FAM114A1: variants seen among roughly 807,000 people sequenced by gnomAD.
FAM114A1 encodes family with sequence similarity 114 member A1, also known as protein NOXP20.
A neutral mutation model predicts 64.3 loss-of-function variants in FAM114A1; 62 were observed. The observed-to-expected ratio is 0.96, with a 90% confidence interval of 0.79 to 1.19. The LOEUF is 1.19. Among genes scored for constraint, FAM114A1 ranks in the 50% most tolerant of loss-of-function variants. The pLI, the probability that FAM114A1 is intolerant of heterozygous loss-of-function variation, is 0.00. For missense variants in FAM114A1, 645 were observed against 676.3 expected, an observed-to-expected ratio of 0.95 and a Z score of 0.51; for synonymous variants, 254 against 251.1, an observed-to-expected ratio of 1.01 and a Z score of -0.11.
In FAM114A1 at chr4:38,929,285, G is replaced by A. The variant is rs1184629398; in HGVS notation, c.1113G>A (p.Glu371=). The part of the protein sequence containing the change: ...KGEEFARMLT[E]LLFELHVAAT... ...AAGAATTTGCTCGCATGCTTACAGA[G>A]CTTCTCTTTGAATTACATGTGGCGG... is the stretch of plus-strand genomic sequence containing the variant. The change falls in exon 10 of 15, where the codon GAG becomes GAA. Residue 371 remains glutamate, a synonymous_variant. Transcript: ENST00000358869. 10 of 1,614,028 alleles carry A rather than the reference G, an allele frequency of 6.2e-6. No homozygotes were observed. The highest frequency in any genetic ancestry group is 1.1e-5 in the South Asian group (1 of 91,080).
In FAM114A1 at chr4:38,932,276, A is replaced by T. The variant is rs1720710800; in HGVS notation, c.1365A>T (p.Thr455=). ...CCATTGAAAGTCTGGCGGAGGTAAC[A>T]GCGCGCTGTATTGAGCAGCTTCATA... ...MSSIESLAEV[T]ARCIEQLHKV... The change falls in exon 12 of 15, where the codon ACA becomes ACT. Residue 455 remains threonine, a synonymous_variant. Transcript: ENST00000358869. 6.2e-7 allele frequency: 1 copy of T among 1,611,242 alleles called. No individual in the cohort carries two copies. Among genetic ancestry groups the T allele is most frequent in the Admixed American group, 1.7e-5 (1 of 59,060 alleles).
intron 4 of FAM114A1, among the ~76,000 whole-genome samples, chr4:38,903,686 T>C (rs946991507): frequency 1.3e-5 from 2 of 152,218 alleles, no homozygotes; most frequent in African/African-American, 4.8e-5. Flanking sequence ...TTGAAATTCA[T>C]TGGACGCTAG....
chr4:38,932,486 TTTTG>T, intron 12 of FAM114A1, 112 bp downstream of exon 12: 1 of 1,132,386 alleles, frequency 8.8e-7, no homozygotes, highest in Non-Finnish European at 1.2e-6. Flanking sequence ...TCAGGTTTCT[TTTTG>T]TTTGTTTTTG....
In FAM114A1 at chr4:38,943,612, G is replaced by A. The variant is rs2109824994; in HGVS notation, c.*55G>A. 1 of 1,490,574 alleles carries A rather than the reference G, an allele frequency of 6.7e-7. No individual in the cohort carries two copies. Among genetic ancestry groups the A allele is most frequent in the South Asian group, 1.1e-5 (1 of 88,028 alleles). 92.3% of individuals were successfully genotyped at this position (1,490,574 alleles called of 1,614,324 possible). A position where few individuals can be genotyped will look rare whatever the true frequency, so the allele number is the denominator to read the frequency against. On this transcript the variant is annotated 3_prime_UTR_variant, in exon 15 of 15. Coordinates refer to ENST00000358869, the MANE Select transcript of FAM114A1 (RefSeq NM_138389.4). Reference sequence around the variant, plus strand: ...ACAGCTGGCCGCCTTGCCTCAATATGTACCATTTAAGGGGATGTTCTCTGT... The same window carrying A: ...ACAGCTGGCCGCCTTGCCTCAATATATACCATTTAAGGGGATGTTCTCTGT...
At chr4:38,887,400 A>G (rs1715927143) in intron 3 of FAM114A1, among the ~76,000 whole-genome samples, 1 of 152,216 alleles carries the variant, frequency 6.6e-6, no homozygotes, top group East Asian at 1.9e-4. Context: ...TTTAAACTGC[A>G]TTTATAATAT....
chr4:38,923,092 T>C (rs1719765783), intron 9 of FAM114A1, among the ~76,000 whole-genome samples, 199 bp downstream of exon 9: 1 of 152,202 alleles, frequency 6.6e-6, no homozygotes, highest in South Asian at 2.1e-4. Flanking sequence ...CGGGAACTCC[T>C]ATTGGTCCTC....
chr4:38,891,657 C>T, intron 3 of FAM114A1, 86 bp from the exon 4 acceptor site: 1 of 1,177,198 alleles, frequency 8.5e-7, no homozygotes, highest in South Asian at 1.6e-5. Flanking sequence ...CTTTTCCAAA[C>T]CTCCTCTTTG....
At chr4:38,887,306 A>G (rs1185442672) in intron 3 of FAM114A1, among the ~76,000 whole-genome samples, 1 of 152,270 alleles carries the variant, frequency 6.6e-6, no homozygotes. Context: ...TTAGAAGTCC[A>G]GCAAAATCAA....
chr4:38,905,172 C>T (rs186436097), intron 4 of FAM114A1, among the ~76,000 whole-genome samples: 4 of 152,060 alleles, frequency 2.6e-5, no homozygotes, highest in Admixed American at 1.3e-4. Context: ...AGAGGTGAGC[C>T]AATCACCTGA....
chr4:38,874,225 T>C (rs952997445), intron 2 of FAM114A1, among the ~76,000 whole-genome samples: 7 of 152,228 alleles, frequency 4.6e-5, no homozygotes, highest in Admixed American at 6.5e-5. Flanking sequence ...ATGGAGCTGA[T>C]AACATTCAAC....
In FAM114A1 at chr4:38,931,625, T is replaced by C; in HGVS notation, c.1323+13T>C. ...TAAGACCATAGAGGTAAATTCATTCTAGATTGTCTGCCTACAAGGTAATAA... is the reference window on the plus strand; with the variant it reads ...TAAGACCATAGAGGTAAATTCATTCCAGATTGTCTGCCTACAAGGTAATAA... On this transcript the variant is annotated intron_variant, in intron 11 of 14. Coordinates refer to ENST00000358869, the MANE Select transcript of FAM114A1 (RefSeq NM_138389.4). The C allele has an allele frequency of 4.4e-6, 7 of 1,607,010 alleles. No individual in the cohort carries two copies. The highest frequency in any genetic ancestry group is 5.9e-6 in the Non-Finnish European group (7 of 1,177,396).
intron 9 of FAM114A1, among the ~76,000 whole-genome samples, chr4:38,925,212 T>C (rs1250156098): frequency 6.6e-6 from 1 of 152,222 alleles, no homozygotes; most frequent in Non-Finnish European, 1.5e-5. Flanking sequence ...TCTCCCATAA[T>C]ATATCAATTT....
At chr4:38,894,773 C>T (rs1448460449) in intron 4 of FAM114A1, among the ~76,000 whole-genome samples, 1 of 152,136 alleles carries the variant, frequency 6.6e-6, no homozygotes, top group Non-Finnish European at 1.5e-5. Flanking sequence ...GTTCAGTATA[C>T]CCTCTTGTAT....
intron 13 of FAM114A1, among the ~76,000 whole-genome samples, chr4:38,939,737 T>G (rs561480678): frequency 5.9e-5 from 9 of 152,296 alleles, no homozygotes; most frequent in African/African-American, 2.2e-4. Flanking sequence ...AGAAGCTGAC[T>G]TATTAAGATT....
At chr4:38,920,214 A>G (rs1303387835) in intron 8 of FAM114A1, among the ~76,000 whole-genome samples, 2 of 152,142 alleles carry the variant, frequency 1.3e-5, no homozygotes, top group Non-Finnish European at 2.9e-5. Context: ...TCAAAAAAAA[A>G]AAAGAACAGA....
chr4:38,905,566 C>T lies in FAM114A1; in HGVS notation c.481C>T (p.Arg161Trp), dbSNP rs117500892. Residue 161 changes from arginine (R) to tryptophan (W), a missense_variant, in exon 5 of 15, where the codon CGG becomes TGG. Physicochemically the swap from Arg to Trp is moderately radical, Grantham distance 101. Transcript: ENST00000358869. The stretch of plus-strand genomic sequence containing the variant: ...CAAGGAAAAAGCAGGAGCCACTCTA[C>T]GGATTCATGGTGTAAATTCTGGATC... Reference protein sequence around the residue: ...AVKEKAGATLRIHGVNSGSSE... With the variant: ...AVKEKAGATLWIHGVNSGSSE... 541 of 1,614,154 alleles carry T rather than the reference C, an allele frequency of 3.4e-4. No homozygotes were observed. The African/African-American group carries it at 4.9e-3, about 15-fold the overall frequency.
intron 7 of FAM114A1, among the ~76,000 whole-genome samples, chr4:38,913,067 G>A (rs900109316): frequency 4.6e-5 from 7 of 152,132 alleles, no homozygotes; most frequent in African/African-American, 1.7e-4. Context: ...TGTTTTTCTG[G>A]CACACAATAA....
At chr4:38,926,114 A>G (rs1234330847) in intron 9 of FAM114A1, among the ~76,000 whole-genome samples, 2 of 152,220 alleles carry the variant, frequency 1.3e-5, no homozygotes, top group Non-Finnish European at 2.9e-5. Context: ...TGTAAAGAGG[A>G]TATGAGTGGG....
Position 38,944,901 on chromosome 4 carries a change from G to T in FAM114A1, c.*1344G>T, listed in dbSNP as rs1721856840. ...GTACCAGAAAGGTTGGGGACCACTG[G>T]CTTAAAATACCAATAAATTTTTGAA... On this transcript the variant is annotated 3_prime_UTR_variant, in exon 15 of 15. Coordinates refer to ENST00000358869, the MANE Select transcript of FAM114A1 (RefSeq NM_138389.4). 6.6e-6 allele frequency: 1 copy of T among 152,140 alleles called. No individual in the cohort carries two copies. The highest frequency in any genetic ancestry group is 2.4e-5 in the African/African-American group (1 of 41,442). The allele number at this position is 152,140 out of a possible 1,614,324, so 9.4% of individuals were successfully genotyped here. A position where few individuals can be genotyped will look rare whatever the true frequency, so the allele number is the denominator to read the frequency against.
Sources: gnomAD v4.1 joint callset for allele counts (sites outside exome capture counted in the v4.1 genomes callset) on GRCh38, gnomAD v4.1.1 for gene constraint, MANE v1.5 for transcripts, NCBI Gene and HGNC (gene_info 2026-07-23, HGNC 2026-07-21) for gene names.